The following IQANK1 variants were observed in gnomAD, a reference collection of about 807,000 sequenced individuals.
The protein encoded by IQANK1 is IQ motif and ankyrin repeat domain-containing protein 1.
A neutral mutation model predicts 22.6 loss-of-function variants in IQANK1; 30 were observed. The observed-to-expected ratio is 1.33, with a 90% CI of 0.99 to 1.80. The LOEUF is 1.80. Among genes scored for constraint, IQANK1 ranks in the 40% most tolerant of loss-of-function variants. The pLI is 0.00. For missense variants in IQANK1, 275 were observed against 235.2 expected, an observed-to-expected ratio of 1.17 and a Z score of -1.11; for synonymous variants, 122 against 99.6, an observed-to-expected ratio of 1.23 and a Z score of -1.34.
rs1217084959 is a variant in IQANK1, at chr8:143,774,065, A to G, written c.789+1583A>G. Among the ~76,000 whole-genome samples, 1 of 152,162 alleles carries G rather than the reference A, an allele frequency of 6.6e-6. No homozygotes were observed. The highest frequency in any genetic ancestry group is 1.5e-5 in the Non-Finnish European group (1 of 68,032). ...ATAAAAAATGAACTCAAAGTGGATT[A>G]TAGATTTAAATGTAAAGGGTAAAAT... On this transcript the variant is annotated intron_variant, in intron 7 of 13. Transcript: ENST00000527139. The surrounding 1 kb of genome is among the most constrained non-coding windows in gnomAD (Gnocchi z 4.2).
intron 8 of IQANK1, 35 bp from the exon 9 acceptor site, chr8:143,789,154 G>C: frequency 2.5e-6 from 1 of 400,700 alleles, no homozygotes; most frequent in Non-Finnish European, 4.4e-6. Context: ...GGGCGCTGGC[G>C]GAAGCCTCTG....
Position 143,772,359 on chromosome 8 carries a change from C to T in IQANK1, c.666C>T (p.Gly222=), listed in dbSNP as rs1346251284. 6 of 398,924 alleles carry T rather than the reference C, an allele frequency of 1.5e-5. No individual in the cohort carries two copies. The highest frequency in any genetic ancestry group is 4.1e-5 in the African/African-American group (2 of 48,594). 24.7% of individuals were successfully genotyped at this position (398,924 alleles called of 1,614,324 possible). A position where few individuals can be genotyped will look rare whatever the true frequency, so the allele number is the denominator to read the frequency against. ...AELGASPNSK[G]AFGPTPLYRA... ...TGCTCGGGGGGCCCGTCTTGCAGGGCGCTTTCGGTCCGACGCCGCTGTACC... is the reference window on the plus strand; with the variant it reads ...TGCTCGGGGGGCCCGTCTTGCAGGGTGCTTTCGGTCCGACGCCGCTGTACC... Residue 222 remains glycine, a splice_region_variant and synonymous_variant, in exon 7 of 14, where the codon GGC becomes GGT. Transcript: ENST00000527139.
rs144110561 is a variant in IQANK1, at chr8:143,786,451, A to C, written c.790-2464A>C. Among the ~76,000 whole-genome samples, 1,020 of 152,362 alleles carry C rather than the reference A, an allele frequency of 6.7e-3. 15 individuals are homozygous for C. The highest frequency in any genetic ancestry group is 0.023 in the African/African-American group (938 of 41,568). ...ATTTATATTTACAAATATAGACAGAATCATTGATAAATGTGCAGAAGAATG... is the reference window on the plus strand; with the variant it reads ...ATTTATATTTACAAATATAGACAGACTCATTGATAAATGTGCAGAAGAATG... On this transcript the variant is annotated intron_variant, in intron 7 of 13. Transcript: ENST00000527139.
chr8:143,775,044 G>A (rs1217333308), intron 7 of IQANK1, among the ~76,000 whole-genome samples: 7 of 152,188 alleles, frequency 4.6e-5, no homozygotes, highest in African/African-American at 1.7e-4. Context: ...TTGAGGTGAT[G>A]AGACAGTCTT....
At chr8:143,742,887 G>A (rs932119306) in intron 3 of IQANK1, 3 of 456,140 alleles carry the variant, frequency 6.6e-6, no homozygotes, top group Non-Finnish European at 8.8e-6. Flanking sequence ...CAAGCACGGG[G>A]TCTTTCTTGC....
At chr8:143,754,809 G>T (rs1819259355) in intron 3 of IQANK1, among the ~76,000 whole-genome samples, 1 of 152,030 alleles carries the variant, frequency 6.6e-6, no homozygotes. Context: ...TGTATTTTTA[G>T]TAGAGACGGG....
chr8:143,738,364 G>A (rs1325020120), intron 2 of IQANK1, among the ~76,000 whole-genome samples: 1 of 152,218 alleles, frequency 6.6e-6, no homozygotes, highest in Non-Finnish European at 1.5e-5. Flanking sequence ...CCCACGCCAG[G>A]CTTGGCCCCC....
rs1384505431 is a variant in IQANK1 at position 143,779,342 on chromosome 8, G to A, written c.789+6860G>A. 3.9e-5 allele frequency among the ~76,000 whole-genome samples: 6 copies of A among 152,184 alleles called. No homozygotes were observed. The East Asian group carries it at 5.8e-4, about 15-fold the overall frequency. On this transcript the variant is annotated intron_variant, in intron 7 of 13. Transcript: ENST00000527139. Reference sequence around the variant, plus strand: ...ACTGTGTCTCGTTCACCCCTTAATCGTATGCCCCAGTATTGGTTGACCACG... The same window carrying A: ...ACTGTGTCTCGTTCACCCCTTAATCATATGCCCCAGTATTGGTTGACCACG...
Position 143,749,322 on chromosome 8 carries a change from A to T in IQANK1, c.175+9374A>T, listed in dbSNP as rs1274921258. On this transcript the variant is annotated intron_variant, in intron 3 of 13. Coordinates refer to ENST00000527139, the MANE Select transcript of IQANK1 (RefSeq NM_001381874.1). The stretch of plus-strand genomic sequence containing the variant: ...TATATAAAAATATAAAAATATATAT[A>T]AAAATATATAAAATATATAAAAACA... Among the ~76,000 whole-genome samples the T allele has an allele frequency of 1.1e-3, 86 of 76,376 alleles. 1 individual carries two copies. The highest frequency in any genetic ancestry group is 4.5e-3 in the African/African-American group (82 of 18,030). The allele number at this position is 76,376 out of a possible 152,430, so 50.1% of individuals were successfully genotyped here.
At chr8:143,752,958 C>T (rs1248088437) in intron 3 of IQANK1, among the ~76,000 whole-genome samples, 4 of 146,334 alleles carry the variant, frequency 2.7e-5, no homozygotes, top group East Asian at 4.0e-4. Flanking sequence ...TATGTTGGCC[C>T]GTTTGATGGT....
intron 3 of IQANK1, among the ~76,000 whole-genome samples, chr8:143,749,265 ATG>A (rs1269255116): frequency 1.6e-5 from 2 of 124,944 alleles, no homozygotes; most frequent in Admixed American, 8.9e-5. Context: ...TATGATATAA[ATG>A]TATATATAAA....
chr8:143,769,194 G>A (rs1554629485), intron 3 of IQANK1, among the ~76,000 whole-genome samples: 1 of 151,848 alleles, frequency 6.6e-6, no homozygotes, highest in African/African-American at 2.4e-5. Context: ...TGAGTAACCG[G>A]GACTACAGAT....
chr8:143,789,970 G>A lies in IQANK1; in HGVS notation c.1196-1G>A. ...TCAGCTGCACTCTGCTACCCCGACA[G>A]GGGAGGAAGAGGCGCCTGGGCTGAA... On this transcript the variant is annotated splice_acceptor_variant, in intron 11 of 13. Coordinates refer to ENST00000527139, the MANE Select transcript of IQANK1 (RefSeq NM_001381874.1). LOFTEE classifies it high-confidence loss of function. 3 of 1,231,922 alleles carry A rather than the reference G, an allele frequency of 2.4e-6. No homozygotes were observed. The highest frequency in any genetic ancestry group is 8.2e-5 in the South Asian group (2 of 24,324). The allele number at this position is 1,231,922 out of a possible 1,614,324, so 76.3% of individuals were successfully genotyped here.
At chr8:143,763,158 G>GGCGC (rs1228875432) in intron 3 of IQANK1, among the ~76,000 whole-genome samples, 1 of 152,088 alleles carries the variant, frequency 6.6e-6, no homozygotes, top group African/African-American at 2.4e-5. Context: ...TGGGATTACA[G>GGCGC]GCGCCCGCCA....
chr8:143,742,881 C>T (rs1554626780), intron 3 of IQANK1: 2 of 456,138 alleles, frequency 4.4e-6, no homozygotes, highest in Admixed American at 4.7e-5. Flanking sequence ...GCCTGGCAAG[C>T]ACGGGGTCTT....
At chr8:143,769,307 A>C (rs1439642482) in intron 3 of IQANK1, among the ~76,000 whole-genome samples, 1 of 151,764 alleles carries the variant, frequency 6.6e-6, no homozygotes, top group African/African-American at 2.4e-5. Context: ...TGGTCCTCCC[A>C]CCTTAGCCTC....
chr8:143,770,639 C>T (rs1554629659), intron 3 of IQANK1, among the ~76,000 whole-genome samples: 1 of 152,246 alleles, frequency 6.6e-6, no homozygotes, highest in African/African-American at 2.4e-5. Context: ...AGCTGCGCTG[C>T]CTGCTTGCTT....
chr8:143,744,750 G>A (rs1818994542), intron 3 of IQANK1: 1 of 152,146 alleles, frequency 6.6e-6, no homozygotes, highest in Admixed American at 6.6e-5. Context: ...AGTTCCACAG[G>A]CTCTCACTTG....
At chr8:143,757,582 C>T (rs1441374286) in intron 3 of IQANK1, among the ~76,000 whole-genome samples, 3 of 152,194 alleles carry the variant, frequency 2.0e-5, no homozygotes, top group African/African-American at 7.2e-5. Context: ...CATGATCCGC[C>T]TGCCTTGGCC....
Sources: allele counts gnomAD v4.1 joint callset (sites outside exome capture counted in the v4.1 genomes callset), GRCh38; gene constraint gnomAD v4.1.1; non-coding constraint Gnocchi (gnomAD v3.1); transcripts MANE v1.5; gene names NCBI Gene and HGNC (gene_info 2026-07-23, HGNC 2026-07-21).